TMEM63A: variants seen among roughly 807,000 people sequenced by gnomAD.
The protein encoded by TMEM63A is transmembrane protein 63A.
TMEM63A carries 76 observed loss-of-function variants against 100.6 expected under a neutral mutation model. The ratio of observed to expected loss-of-function variants is 0.76; its 90% CI spans 0.63 to 0.91. TMEM63A has a LOEUF of 0.91. Among genes scored for constraint, TMEM63A ranks in the 40% least tolerant of loss-of-function variants. The probability of loss-of-function intolerance (pLI) is 0.00; values close to 1 mark genes in which losing one functional copy is unlikely to be tolerated. For synonymous variants in TMEM63A, 401 were observed against 401.1 expected (o/e 1.00, Z 0.00); for missense variants, 876 against 1,008.8 (o/e 0.87, Z 1.78).
intron 5 of TMEM63A, 71 bp from the exon 6 acceptor site, chr1:225,871,184 T>C (rs1232386483): frequency 1.3e-6 from 2 of 1,514,122 alleles, no homozygotes; most frequent in Non-Finnish European, 1.8e-6. Context: ...ACCATTGTCT[T>C]TGACATTAAA....
chr1:225,861,267 T>C (rs1669919183), intron 13 of TMEM63A: 2 of 284,892 alleles, frequency 7.0e-6, no homozygotes, highest in South Asian at 1.5e-4. Context: ...TGCTCTTCCA[T>C]AGGGCCATCC....
At chr1:225,850,160 T>C (rs1157248865) in intron 20 of TMEM63A, 81 bp from the exon 21 acceptor site, 2 of 1,541,636 alleles carry the variant, frequency 1.3e-6, no homozygotes, top group Non-Finnish European at 1.8e-6. Flanking sequence ...GGGGCGGCTA[T>C]TTTGGCAAGG....
Position 225,857,383 on chromosome 1 carries a change from G to T in TMEM63A, c.1378-366C>A, listed in dbSNP as rs1275783812. Among the ~76,000 whole-genome samples the T allele has an allele frequency of 0.01, 23 of 2,260 alleles. 1 individual carries two copies. The Admixed American group carries it at 0.14, about 14-fold the overall frequency. The allele number at this position is 2,260 out of a possible 152,430, so 1.5% of individuals were successfully genotyped here. On this transcript the variant is annotated intron_variant, in intron 15 of 24. Transcript: ENST00000366835. ...AAGGCCTGGAGTCCTGGCCGGCGGG[G>T]CGGGGGGGGGGGGGTGCCCTGCCTG... is the stretch of plus-strand genomic sequence containing the variant.
intron 3 of TMEM63A, 111 bp downstream of exon 3, chr1:225,877,284 G>A: frequency 7.8e-7 from 1 of 1,275,002 alleles, no homozygotes; most frequent in Non-Finnish European, 1.1e-6. Context: ...GCAGAGTTGA[G>A]ATTTAAACCC....
chr1:225,880,738 G>A (rs537520845), intron 1 of TMEM63A, among the ~76,000 whole-genome samples: 15 of 152,314 alleles, frequency 9.8e-5, no homozygotes, highest in East Asian at 5.8e-4. Context: ...GCAGGCAAGC[G>A]TCTGATTGTG....
At chr1:225,860,111 A>G (rs1248835328) in intron 14 of TMEM63A, 2 of 152,718 alleles carry the variant, frequency 1.3e-5, no homozygotes, top group Non-Finnish European at 2.9e-5. Flanking sequence ...AGACCCACAA[A>G]GCAATCCTGA....
chr1:225,877,534 G>A lies in TMEM63A; in HGVS notation c.47C>T (p.Ser16Phe), dbSNP rs143034154. The A allele has an allele frequency of 3.7e-6, 6 of 1,614,076 alleles. No individual in the cohort carries two copies. Among genetic ancestry groups the A allele is most frequent in the Admixed American group, 3.3e-5 (2 of 60,002 alleles). Residue 16 changes from serine (S) to phenylalanine (F), a missense_variant, in exon 3 of 25, where the codon TCC (serine) becomes TTC (phenylalanine). Physicochemically the swap from Ser to Phe is radical, Grantham distance 155. This residue lies in a region of TMEM63A where 43 missense variants were observed against 48.9 expected (regional missense o/e 0.88). Transcript: ENST00000366835. ...FLELWQSKAV[S>F]IREQLGLGDR... ...CCCGAGTCCCAGCTGCTCCCTGATG[G>A]ACACTGCCTTGGACTGCCACAGCTC... is the stretch of plus-strand genomic sequence containing the variant.
intron 6 of TMEM63A, among the ~76,000 whole-genome samples, chr1:225,869,681 T>TTTTTTTG (rs1670402054): frequency 3.3e-5 from 5 of 149,316 alleles, no homozygotes; most frequent in Admixed American, 2.7e-4. Context: ...TTTTTTTTTT[T>TTTTTTTG]GAGACAGTTT....
At chr1:225,845,290 G>A (rs747037055), downstream of TMEM63A, 3 of 1,612,982 alleles carry the variant, frequency 1.9e-6, no homozygotes, top group Non-Finnish European at 2.5e-6. Context: ...CCTTTGAGGA[G>A]CCGGAGCTGC....
chr1:225,842,543 C>A, downstream of TMEM63A: 1 of 1,115,110 alleles, frequency 9.0e-7, no homozygotes, highest in Non-Finnish European at 1.4e-6. Context: ...CCCTCTTCAT[C>A]CCCTTGTCTG....
chr1:225,873,361 G>C (rs1336434472), intron 4 of TMEM63A, among the ~76,000 whole-genome samples: 1 of 152,122 alleles, frequency 6.6e-6, no homozygotes, highest in African/African-American at 2.4e-5. Flanking sequence ...AGGGATCACG[G>C]GGAAAGATGG....
In TMEM63A at chr1:225,846,944, G is replaced by A. The variant is rs1005426506; in HGVS notation, c.*7-12C>T. On this transcript the variant is annotated splice_polypyrimidine_tract_variant and intron_variant, in intron 24 of 24. Transcript: ENST00000366835. ...CAGAGCAGTGAGACCTAAAACAGAT[G>A]GGAAGAAGTCATGAACTTGGGAGTC... 13 of 1,407,672 alleles carry A rather than the reference G, an allele frequency of 9.2e-6. No individual in the cohort carries two copies. The highest frequency in any genetic ancestry group is 5.7e-5 in the African/African-American group (4 of 69,668). 87.2% of individuals were successfully genotyped at this position (1,407,672 alleles called of 1,614,324 possible).
chr1:225,844,282 TG>T (rs1372739883), downstream of TMEM63A, among the ~76,000 whole-genome samples: 1 of 149,994 alleles, frequency 6.7e-6, no homozygotes, highest in Non-Finnish European at 1.5e-5. Flanking sequence ...GGGAGGACCT[TG>T]GGGTGATAAG....
chr1:225,862,249 C>T lies in TMEM63A; in HGVS notation c.1054G>A (p.Val352Ile), dbSNP rs768741568. 33 of 1,614,008 alleles carry T rather than the reference C, an allele frequency of 2.0e-5. No individual in the cohort carries two copies. The East Asian group carries it at 4.0e-4, about 20-fold the overall frequency. The change falls in exon 13 of 25, where the codon GTC (valine) becomes ATC (isoleucine). Residue 352 changes from valine to isoleucine, a missense_variant. Physicochemically the swap from Val to Ile is conservative, Grantham distance 29. Around this residue, in one of 5 missense-constraint regions of TMEM63A, gnomAD observed 487 missense variants for 581.9 expected, o/e 0.84. Coordinates refer to ENST00000366835, the MANE Select transcript of TMEM63A (RefSeq NM_014698.3). This position sits in a 1 kb window ranked among gnomAD's most constrained non-coding sequence, Gnocchi z 5.1. Reference sequence around the variant, plus strand: ...GCCATGGACTTCTCCTGGAAGGTGACGAAGGCCATTCCCAGGGGCTGGTCC... The same window carrying T: ...GCCATGGACTTCTCCTGGAAGGTGATGAAGGCCATTCCCAGGGGCTGGTCC... The part of the protein sequence containing the change: ...VQDQPLGMAF[V>I]TFQEKSMATY...
chr1:225,879,138 A>AGG, intron 2 of TMEM63A, 82 bp downstream of exon 2: 1 of 152,382 alleles, frequency 6.6e-6, no homozygotes, highest in South Asian at 2.1e-4. Flanking sequence ...AAAATCCCCC[A>AGG]GTGGCACCAC....
chr1:225,861,935 C>T, intron 13 of TMEM63A: 1 of 503,850 alleles, frequency 2.0e-6, no homozygotes, highest in South Asian at 2.2e-5. Flanking sequence ...TCCAGGGCAG[C>T]AGGGAAGAGC....
Position 225,877,534 on chromosome 1 carries a change from G to C in TMEM63A, c.47C>G (p.Ser16Cys). 6.2e-7 allele frequency: 1 copy of C among 1,614,194 alleles called. No individual in the cohort carries two copies. Among genetic ancestry groups the C allele is most frequent in the Non-Finnish European group, 8.5e-7 (1 of 1,180,030 alleles). The stretch of plus-strand genomic sequence containing the variant: ...CCCGAGTCCCAGCTGCTCCCTGATG[G>C]ACACTGCCTTGGACTGCCACAGCTC... ...FLELWQSKAV[S>C]IREQLGLGDR... Residue 16 changes from serine (S) to cysteine (C), a missense_variant, in exon 3 of 25, where the codon TCC (serine) becomes TGC (cysteine). Ser to Cys is a moderately radical substitution (Grantham distance 112). Coordinates refer to ENST00000366835, the MANE Select transcript of TMEM63A (RefSeq NM_014698.3).
intron 4 of TMEM63A, 126 bp from the exon 5 acceptor site, chr1:225,872,179 T>C: frequency 1.5e-6 from 1 of 659,996 alleles, no homozygotes; most frequent in Non-Finnish European, 2.6e-6. Flanking sequence ...CTACCAGCCC[T>C]CGATGGCTGG....
rs1307984133 is a variant in TMEM63A, at chr1:225,856,768, G to A, written c.1485-30C>T. ...AGGAAGTCAAAGGTGAGCACTCGCA[G>A]TCCCCCAAATGCTCTATGTGCCCCC... On this transcript the variant is annotated intron_variant, in intron 16 of 24. Coordinates refer to ENST00000366835, the MANE Select transcript of TMEM63A (RefSeq NM_014698.3). 8 of 1,607,622 alleles carry A rather than the reference G, an allele frequency of 5.0e-6. No homozygotes were observed. In the African/African-American group the frequency reaches 8.0e-5, roughly 16 times the overall value.
Sources: allele counts gnomAD v4.1 joint callset (sites outside exome capture counted in the v4.1 genomes callset), GRCh38; gene constraint gnomAD v4.1.1; regional missense constraint gnomAD v4.1.1; non-coding constraint Gnocchi (gnomAD v3.1); transcripts MANE v1.5; gene names NCBI Gene and HGNC (gene_info 2026-07-23, HGNC 2026-07-21).